Variants in FSTL5 observed in about 807,000 individuals in gnomAD.
FSTL5 encodes the protein follistatin like 5, also known as follistatin-related protein 5.
A neutral mutation model predicts 89.1 loss-of-function variants in FSTL5; 62 were observed. The observed-to-expected ratio is 0.70, with a 90% CI of 0.57 to 0.86. The LOEUF (loss-of-function observed/expected upper bound fraction) is 0.86. Ranked by LOEUF, FSTL5 falls within the 40% of genes least tolerant of loss-of-function variation. The pLI is 0.00. For synonymous variants in FSTL5, 383 were observed against 346.2 expected (o/e 1.11, Z -1.18); for missense variants, 1,057 against 1,001.6 (o/e 1.06, Z -0.75).
At chr4:161,826,730 C>T (rs1323319927) in intron 4 of FSTL5, among the ~76,000 whole-genome samples, 1 of 152,000 alleles carries the variant, frequency 6.6e-6, no homozygotes, top group African/African-American at 2.4e-5. Flanking sequence ...TTTTGGTGTC[C>T]ATCTGCATAG....
chr4:161,735,092 C>T (rs527736585), intron 6 of FSTL5, among the ~76,000 whole-genome samples: 118 of 152,258 alleles, frequency 7.7e-4, no homozygotes, highest in African/African-American at 2.5e-3. Flanking sequence ...TTCTAACCTA[C>T]GGGCTATAAA....
intron 10 of FSTL5, among the ~76,000 whole-genome samples, chr4:161,537,701 G>A (rs552620927): frequency 1.3e-5 from 2 of 152,286 alleles, no homozygotes; most frequent in African/African-American, 4.8e-5. Context: ...GTGCCTTAGA[G>A]TGGCAGTTAC....
At chr4:161,772,877 T>G (rs1371954765) in intron 5 of FSTL5, among the ~76,000 whole-genome samples, 1 of 152,018 alleles carries the variant, frequency 6.6e-6, no homozygotes, top group Non-Finnish European at 1.5e-5. Context: ...AAAAAGAGCC[T>G]GCATAGCCAA....
intron 2 of FSTL5, among the ~76,000 whole-genome samples, chr4:162,036,782 G>A (rs1272377838): frequency 6.6e-6 from 1 of 151,906 alleles, no homozygotes; most frequent in African/African-American, 2.4e-5. Context: ...TTATGTCTAA[G>A]AAAATGCCCA....
At chr4:161,876,705 A>T (rs1232139064) in intron 4 of FSTL5, among the ~76,000 whole-genome samples, 1 of 152,016 alleles carries the variant, frequency 6.6e-6, no homozygotes, top group African/African-American at 2.4e-5. Flanking sequence ...ACACCACTGC[A>T]CTCCAGCCTG....
intron 4 of FSTL5, among the ~76,000 whole-genome samples, chr4:161,798,954 G>T (rs1729717106): frequency 6.6e-6 from 1 of 151,692 alleles, no homozygotes; most frequent in African/African-American, 2.4e-5. Flanking sequence ...GAGGCGCTAA[G>T]AAGTCGTTAC....
At chr4:161,982,208 C>T (rs554766991) in intron 3 of FSTL5, among the ~76,000 whole-genome samples, 30 of 152,278 alleles carry the variant, frequency 2.0e-4, no homozygotes, top group African/African-American at 6.3e-4. Flanking sequence ...TGTGTTATGA[C>T]GGTCTGTGTT....
At chr4:161,945,547 T>C (rs1734710664) in intron 3 of FSTL5, among the ~76,000 whole-genome samples, 1 of 152,056 alleles carries the variant, frequency 6.6e-6, no homozygotes, top group African/African-American at 2.4e-5. Context: ...AGGTCAGGAG[T>C]TCGACACCAG....
chr4:161,710,205 C>T (rs978767865), intron 6 of FSTL5, among the ~76,000 whole-genome samples: 2 of 152,072 alleles, frequency 1.3e-5, no homozygotes. Context: ...TGGTCTTAAG[C>T]CATCTGCCTT....
At chr4:161,685,847 A>C (rs1001239403) in intron 6 of FSTL5, among the ~76,000 whole-genome samples, 2 of 152,060 alleles carry the variant, frequency 1.3e-5, no homozygotes, top group East Asian at 3.9e-4. Flanking sequence ...CAGTTTTTGG[A>C]ATGCTTTCAA....
At chr4:162,122,517 A>T (rs17041982) in intron 1 of FSTL5, among the ~76,000 whole-genome samples, 120 of 151,866 alleles carry the variant, frequency 7.9e-4, no homozygotes, top group Admixed American at 2.8e-3. Context: ...TAAAACTACA[A>T]GTTTGTTATG....
At chr4:161,783,732 T>TTTC (rs768997156) in intron 4 of FSTL5, among the ~76,000 whole-genome samples, 881 of 14,484 alleles carry the variant, frequency 0.061, 363 homozygotes, top group East Asian at 0.14. Flanking sequence ...TCTTCTTTTC[T>TTTC]TTTCTTTCTT....
intron 4 of FSTL5, among the ~76,000 whole-genome samples, chr4:161,828,041 C>T (rs1163257423): frequency 6.6e-6 from 1 of 152,168 alleles, no homozygotes; most frequent in Non-Finnish European, 1.5e-5. Context: ...GTGGACTTTT[C>T]CCGGTTCCTC....
At chr4:161,687,431 C>CA (rs913391426) in intron 6 of FSTL5, among the ~76,000 whole-genome samples, 4 of 151,920 alleles carry the variant, frequency 2.6e-5, no homozygotes, top group Admixed American at 2.0e-4. Context: ...TTTTAATTGA[C>CA]AAAAAATGTA....
At chr4:161,425,400 G>A (rs926710324) in intron 15 of FSTL5, among the ~76,000 whole-genome samples, 4 of 152,108 alleles carry the variant, frequency 2.6e-5, no homozygotes, top group Non-Finnish European at 5.9e-5. Flanking sequence ...TCTGTCTCTG[G>A]CAGAATGTCA....
intron 6 of FSTL5, among the ~76,000 whole-genome samples, chr4:161,704,093 C>T (rs376805053): frequency 3.9e-5 from 6 of 152,116 alleles, no homozygotes; most frequent in Non-Finnish European, 5.9e-5. Flanking sequence ...CAACCTGCCT[C>T]CCATTCTATT....
At chr4:161,568,272 T>A (rs1355356059) in intron 8 of FSTL5, among the ~76,000 whole-genome samples, 1 of 152,140 alleles carries the variant, frequency 6.6e-6, no homozygotes, top group Non-Finnish European at 1.5e-5. Flanking sequence ...TGGTGTTCTT[T>A]ACCGATCTCC....
intron 6 of FSTL5, among the ~76,000 whole-genome samples, chr4:161,752,368 AGAG>A (rs560876112): frequency 1.0e-3 from 158 of 152,266 alleles, no homozygotes; most frequent in Middle Eastern, 3.4e-3. Context: ...CTAAAATCAT[AGAG>A]GAGTTTTAGC....
intron 2 of FSTL5, among the ~76,000 whole-genome samples, chr4:162,080,162 T>TTA (rs1338696138): frequency 1.3e-5 from 2 of 151,644 alleles, no homozygotes; most frequent in African/African-American, 2.4e-5. Flanking sequence ...AGTACTGAGA[T>TTA]TATTGTATGT....
Sources: allele counts gnomAD v4.1 joint callset (sites outside exome capture counted in the v4.1 genomes callset), GRCh38; gene constraint gnomAD v4.1.1; transcripts MANE v1.5; gene names NCBI Gene and HGNC (gene_info 2026-07-23, HGNC 2026-07-21).